Variants in STX3 observed in about 807,000 individuals in gnomAD.
The protein encoded by STX3 is syntaxin 3.
In STX3, 19 loss-of-function variants were observed where a neutral mutation model predicts 40.2. That is an observed-to-expected ratio of 0.47 (90% CI 0.33 to 0.69). The LOEUF is 0.69. Among genes scored for constraint, STX3 ranks in the 30% least tolerant of loss-of-function variants. STX3 has a pLI of 0.02. For missense variants in STX3, 364 were observed against 366.7 expected (o/e 0.99, Z 0.06); for synonymous variants, 122 against 132.2 (o/e 0.92, Z 0.53).
intron 1 of STX3, among the ~76,000 whole-genome samples, chr11:59,769,445 G>A (rs1863447290): frequency 6.6e-6 from 1 of 152,210 alleles, no homozygotes. Context: ...TAAGGTCTGT[G>A]GGGGTATTAC....
chr11:59,758,709 C>T (rs1343016747), intron 1 of STX3, among the ~76,000 whole-genome samples: 1 of 152,226 alleles, frequency 6.6e-6, no homozygotes, highest in African/African-American at 2.4e-5. Flanking sequence ...TGTGCAGTGC[C>T]TCTACCCAGC....
chr11:59,778,690 A>C (rs1181604252), intron 2 of STX3, among the ~76,000 whole-genome samples: 3 of 152,184 alleles, frequency 2.0e-5, no homozygotes, highest in Non-Finnish European at 4.4e-5. Flanking sequence ...GAAACTTAAA[A>C]TGCACGTTAA....
chr11:59,762,256 G>A (rs745389887), intron 1 of STX3, among the ~76,000 whole-genome samples: 8 of 152,230 alleles, frequency 5.3e-5, no homozygotes, highest in African/African-American at 1.4e-4. Flanking sequence ...TGGAGCAGCC[G>A]TTAAGAGGCA....
intron 1 of STX3, among the ~76,000 whole-genome samples, chr11:59,762,089 C>T (rs1033045017): frequency 2.2e-4 from 33 of 152,222 alleles, no homozygotes; most frequent in Non-Finnish European, 3.1e-4. Context: ...ACATTGCATT[C>T]GGTTGTCACA....
intron 1 of STX3, among the ~76,000 whole-genome samples, chr11:59,763,499 T>C (rs1565162414): frequency 6.6e-6 from 1 of 152,168 alleles, no homozygotes; most frequent in Non-Finnish European, 1.5e-5. Flanking sequence ...CAAGTTCTTT[T>C]GAAATACGCA....
At chr11:59,772,735 G>C (rs1206693503) in intron 1 of STX3, among the ~76,000 whole-genome samples, 1 of 152,074 alleles carries the variant, frequency 6.6e-6, no homozygotes, top group Non-Finnish European at 1.5e-5. Flanking sequence ...TTCCTCAACT[G>C]TAGTGAGTTA....
At chr11:59,767,613 A>T (rs1237583934) in intron 1 of STX3, among the ~76,000 whole-genome samples, 1 of 152,180 alleles carries the variant, frequency 6.6e-6, no homozygotes, top group Non-Finnish European at 1.5e-5. Context: ...ACTCCAGATA[A>T]CATGCGATGA....
At position 59,803,091 on chromosome 11, in the gene STX3, CCT is replaced by C; in HGVS notation, c.*2268_*2269del. On this transcript the variant is annotated 3_prime_UTR_variant, in exon 11 of 11. Coordinates refer to ENST00000337979, the MANE Select transcript of STX3 (RefSeq NM_004177.5). The stretch of plus-strand genomic sequence containing the variant: ...TGGGTCCTAGAAGCCAGATCCATCT[CCT>C]TTTTCCTTCTGTTGCTCTCTTCCTT... 1 of 1,228,274 alleles carries C rather than the reference CCT, an allele frequency of 8.1e-7. No homozygotes were observed. Among genetic ancestry groups the C allele is most frequent in the East Asian group, 3.2e-5 (1 of 31,578 alleles). 76.1% of individuals were successfully genotyped at this position (1,228,274 alleles called of 1,614,324 possible).
At position 59,797,389 on chromosome 11, in the gene STX3, A is replaced by G; in HGVS notation, c.*23A>G. 6.2e-7 allele frequency: 1 copy of G among 1,613,266 alleles called. No individual in the cohort carries two copies. The highest frequency in any genetic ancestry group is 8.5e-7 in the Non-Finnish European group (1 of 1,179,500). ...TAAGAGTGGCCTAAGAGGCTGCTGCACTGAAATGTAAGTAAACGAGTGGTT... is the reference window on the plus strand; with the variant it reads ...TAAGAGTGGCCTAAGAGGCTGCTGCGCTGAAATGTAAGTAAACGAGTGGTT... On this transcript the variant is annotated 3_prime_UTR_variant, in exon 10 of 11. Coordinates refer to ENST00000337979, the MANE Select transcript of STX3 (RefSeq NM_004177.5).
At chr11:59,754,710 G>A (rs1267873098), upstream of STX3, 2 of 152,182 alleles carry the variant, frequency 1.3e-5, no homozygotes, top group African/African-American at 4.8e-5. Flanking sequence ...TACAGACACG[G>A]GAACGGGGTC....
At chr11:59,787,523 T>G (rs1864853371) in intron 3 of STX3, among the ~76,000 whole-genome samples, 1 of 152,186 alleles carries the variant, frequency 6.6e-6, no homozygotes, top group South Asian at 2.1e-4. Flanking sequence ...ATCAAGTCCA[T>G]TTTTTCTTTC....
Position 59,802,495 on chromosome 11 carries a change from C to T in STX3, c.*1671C>T. On this transcript the variant is annotated 3_prime_UTR_variant, in exon 11 of 11. Coordinates refer to ENST00000337979, the MANE Select transcript of STX3 (RefSeq NM_004177.5). The stretch of plus-strand genomic sequence containing the variant: ...ACAGAGCCAAGGCAATATCCTCTTG[C>T]CCATGGCTATGATGTCAGACAGTGG... 1 of 985,844 alleles carries T rather than the reference C, an allele frequency of 1.0e-6. No individual in the cohort carries two copies. The highest frequency in any genetic ancestry group is 4.7e-5 in the South Asian group (1 of 21,288). 61.1% of individuals were successfully genotyped at this position (985,844 alleles called of 1,614,324 possible).
intron 1 of STX3, among the ~76,000 whole-genome samples, chr11:59,766,326 T>A (rs938479230): frequency 1.3e-5 from 2 of 152,228 alleles, no homozygotes; most frequent in Non-Finnish European, 2.9e-5. Context: ...GGACAAACTC[T>A]TTTTAGAAAG....
chr11:59,771,403 T>TCCCCCCCCCCCCCCCCCCCCCCCCC (rs1367914976), intron 1 of STX3, among the ~76,000 whole-genome samples: 3 of 34,642 alleles, frequency 8.7e-5, no homozygotes, highest in African/African-American at 3.9e-4. Flanking sequence ...TCCCCCCACC[T>TCCCCCCCCCCCCCCCCCCCCCCCCC]CCCCCCCCCC....
At chr11:59,781,364 C>T (rs1864370376) in intron 2 of STX3, 7 of 1,594,634 alleles carry the variant, frequency 4.4e-6, no homozygotes, top group African/African-American at 1.3e-5. Flanking sequence ...TCATGACACA[C>T]TCCACCACTA....
intron 1 of STX3, among the ~76,000 whole-genome samples, chr11:59,760,462 T>C (rs1044572245): frequency 6.6e-6 from 1 of 152,098 alleles, no homozygotes; most frequent in Admixed American, 6.5e-5. Flanking sequence ...ATGGAGTGGG[T>C]TTGAAACCAC....
intron 10 of STX3, among the ~76,000 whole-genome samples, chr11:59,798,089 G>A (rs1865628517): frequency 1.3e-5 from 2 of 152,208 alleles, no homozygotes; most frequent in Admixed American, 6.5e-5. Context: ...TGTAAAAGAA[G>A]GTAGCCACTT....
rs1865886563 is a variant in STX3, at chr11:59,801,513, C to T, written c.*689C>T. The T allele has an allele frequency of 4.1e-6, 4 of 985,306 alleles. No homozygotes were observed. The highest frequency in any genetic ancestry group is 1.7e-5 in the African/African-American group (1 of 57,228). The allele number at this position is 985,306 out of a possible 1,614,324, so 61.0% of individuals were successfully genotyped here. A position where few individuals can be genotyped will look rare whatever the true frequency, so the allele number is the denominator to read the frequency against. ...CAAGGAGGGACCAGGATGATACAGT[C>T]ATCTGAGGTTATGCTTTGCAAAAGG... On this transcript the variant is annotated 3_prime_UTR_variant, in exon 11 of 11. Transcript: ENST00000337979.
At chr11:59,773,353 T>C in intron 2 of STX3, 59 bp downstream of exon 2, 2 of 1,560,082 alleles carry the variant, frequency 1.3e-6, no homozygotes, top group Non-Finnish European at 1.8e-6. Context: ...ATTTCCTTAG[T>C]AAGAATAAAA....
Sources: gnomAD v4.1 joint callset for allele counts (sites outside exome capture counted in the v4.1 genomes callset) on GRCh38, gnomAD v4.1.1 for gene constraint, MANE v1.5 for transcripts, NCBI Gene and HGNC (gene_info 2026-07-23, HGNC 2026-07-21) for gene names.